The following DPYSL2 variants were observed in gnomAD, a reference collection of about 807,000 sequenced individuals.
DPYSL2 encodes dihydropyrimidinase like 2.
A neutral mutation model predicts 69.9 loss-of-function variants in DPYSL2; 13 were observed. That is an observed-to-expected ratio of 0.19 (90% confidence interval 0.12 to 0.30). The LOEUF (loss-of-function observed/expected upper bound fraction) is 0.30. Among genes scored for constraint, DPYSL2 ranks in the 10% least tolerant of loss-of-function variants. The pLI is 1.00. For synonymous variants in DPYSL2, 326 were observed against 359.1 expected, an observed-to-expected ratio of 0.91 and a Z score of 1.04; for missense variants, 587 against 918.9, an observed-to-expected ratio of 0.64 and a Z score of 4.67.
Position 26,514,749 on chromosome 8 carries a change from C to T in DPYSL2, c.354+70C>T. 1 of 1,301,680 alleles carries T rather than the reference C, an allele frequency of 7.7e-7. No homozygotes were observed. The highest frequency in any genetic ancestry group is 9.9e-7 in the Non-Finnish European group (1 of 1,007,432). The allele number at this position is 1,301,680 out of a possible 1,614,324, so 80.6% of individuals were successfully genotyped here. ...GATCGCCCCTCCCTCGCCCCTGAGC[C>T]CGGCGCGCCCGCCTTCATGCCCCGC... On this transcript the variant is annotated intron_variant, in intron 1 of 13. Transcript: ENST00000521913. The surrounding 1 kb of genome is among the most constrained non-coding windows in gnomAD (Gnocchi z 8.4).
Position 26,624,620 on chromosome 8 carries a change from TG to T in DPYSL2, c.793+314del, listed in dbSNP as rs1030942890. 6.6e-6 allele frequency among the ~76,000 whole-genome samples: 1 copy of T among 152,120 alleles called. No individual in the cohort carries two copies. The highest frequency in any genetic ancestry group is 2.4e-5 in the African/African-American group (1 of 41,412). ...GTGCTCTCTAGCCAGGGTGGGGAGT[TG>T]AGGCTGCTGAGAGAGAGATTTACCC... On this transcript the variant is annotated intron_variant, in intron 4 of 13. Coordinates refer to ENST00000521913, the MANE Select transcript of DPYSL2 (RefSeq NM_001197293.3). The surrounding 1 kb of genome is among the most constrained non-coding windows in gnomAD (Gnocchi z 4.7).
intron 1 of DPYSL2, among the ~76,000 whole-genome samples, chr8:26,578,783 A>G (rs976625926): frequency 2.0e-5 from 3 of 152,164 alleles, no homozygotes; most frequent in African/African-American, 7.2e-5. Context: ...CCTTGGAAAA[A>G]GGAGCGGGTT....
Position 26,627,082 on chromosome 8 carries a change from A to G in DPYSL2, c.856-133A>G. On this transcript the variant is annotated intron_variant, in intron 5 of 13. Transcript: ENST00000521913. This position sits in a 1 kb window ranked among gnomAD's most constrained non-coding sequence, Gnocchi z 6.9. ...TAACATTGCCCTCATCATATCAAAA[A>G]AAGTCAGGCTAATAGAATCGCCTAG... 2 of 775,072 alleles carry G rather than the reference A, an allele frequency of 2.6e-6. No homozygotes were observed. Among genetic ancestry groups the G allele is most frequent in the East Asian group, 2.7e-5 (1 of 37,684 alleles). The allele number at this position is 775,072 out of a possible 1,614,324, so 48.0% of individuals were successfully genotyped here.
chr8:26,643,551 C>T lies in DPYSL2; in HGVS notation c.1239C>T (p.Ser413=), dbSNP rs1563424305. 4 of 1,614,180 alleles carry T rather than the reference C, an allele frequency of 2.5e-6. No homozygotes were observed. The South Asian group carries it at 4.4e-5, about 18-fold the overall frequency. The change falls in exon 9 of 14, where the codon AGC becomes AGT. Residue 413 remains serine, a synonymous_variant. Coordinates refer to ENST00000521913, the MANE Select transcript of DPYSL2 (RefSeq NM_001197293.3). This position sits in a 1 kb window ranked among gnomAD's most constrained non-coding sequence, Gnocchi z 6.5. ...CCTTTGTCACCTCCCCACCCTTGAG[C>T]CCTGATCCAACCACTCCAGACTTTC... The part of the protein sequence containing the change: ...AAAFVTSPPL[S]PDPTTPDFLN...
In DPYSL2 at chr8:26,616,311, G is replaced by A. The variant is rs1157231220; in HGVS notation, c.629-7832G>A. Among the ~76,000 whole-genome samples the A allele has an allele frequency of 5.3e-5, 8 of 152,170 alleles. No individual in the cohort carries two copies. In the South Asian group the frequency reaches 8.3e-4, roughly 16 times the overall value. ...TAACTGCCAAGCACAACCCACAAAG[G>A]CTCTTATCTCTCCTTCAAAAAAAGC... On this transcript the variant is annotated intron_variant, in intron 3 of 13. Coordinates refer to ENST00000521913, the MANE Select transcript of DPYSL2 (RefSeq NM_001197293.3).
rs565175738 is a variant in DPYSL2 at position 26,565,705 on chromosome 8, G to A, written c.355-16264G>A. On this transcript the variant is annotated intron_variant, in intron 1 of 13. Transcript: ENST00000521913. The surrounding 1 kb of genome is among the most constrained non-coding windows in gnomAD (Gnocchi z 4.1). ...GTATAATGACTCGAGCACAAAAGGA[G>A]TTTATTTGTATATCACATAATAGTT... Among the ~76,000 whole-genome samples the A allele has an allele frequency of 2.0e-5, 3 of 152,318 alleles. No homozygotes were observed. The highest frequency in any genetic ancestry group is 2.1e-4 in the South Asian group (1 of 4,832).
At chr8:26,607,211 G>A (rs1802125550) in intron 3 of DPYSL2, among the ~76,000 whole-genome samples, 2 of 152,204 alleles carry the variant, frequency 1.3e-5, no homozygotes, top group Admixed American at 1.3e-4. Flanking sequence ...TGGGGGCCGG[G>A]TGGTGCCTCA....
At chr8:26,639,847 A>T (rs1803001070) in intron 8 of DPYSL2, among the ~76,000 whole-genome samples, 1 of 152,136 alleles carries the variant, frequency 6.6e-6, no homozygotes, top group South Asian at 2.1e-4. Context: ...AGTGCCTTTC[A>T]ACCCAATCAG....
chr8:26,649,168 A>G (rs1467634737), intron 11 of DPYSL2, among the ~76,000 whole-genome samples: 1 of 152,248 alleles, frequency 6.6e-6, no homozygotes, highest in African/African-American at 2.4e-5. Flanking sequence ...ACGGAGGCTT[A>G]GAGAGCTTAA....
intron 1 of DPYSL2, among the ~76,000 whole-genome samples, chr8:26,544,676 C>T (rs6999754): frequency 0.098 from 14,961 of 152,196 alleles, 831 homozygotes; most frequent in Non-Finnish European, 0.12. Context: ...GTCACTTGGA[C>T]GTGATGTTAT....
chr8:26,573,836 C>CAAAA (rs145546482), intron 1 of DPYSL2, among the ~76,000 whole-genome samples: 5 of 82,416 alleles, frequency 6.1e-5, no homozygotes, highest in Middle Eastern at 7.6e-3. Flanking sequence ...GACTCCACCT[C>CAAAA]AAAAAAAAAA....
chr8:26,629,897 G>A (rs1418644938), intron 7 of DPYSL2, among the ~76,000 whole-genome samples: 3 of 152,154 alleles, frequency 2.0e-5, no homozygotes, highest in South Asian at 2.1e-4. Flanking sequence ...GCGCCCGGCC[G>A]AGGCTGATTT....
intron 3 of DPYSL2, among the ~76,000 whole-genome samples, chr8:26,604,753 C>A (rs746565782): frequency 7.2e-5 from 11 of 151,988 alleles, no homozygotes; most frequent in Non-Finnish European, 1.3e-4. Context: ...TCTCCTCCTC[C>A]GGGGTTCAAG....
chr8:26,635,389 A>T (rs1283217845), intron 8 of DPYSL2, among the ~76,000 whole-genome samples: 2 of 152,130 alleles, frequency 1.3e-5, no homozygotes, highest in Non-Finnish European at 2.9e-5. Context: ...AACTCTCTTG[A>T]TGCATTCTGA....
intron 11 of DPYSL2, among the ~76,000 whole-genome samples, chr8:26,649,809 A>C (rs919209459): frequency 6.6e-6 from 1 of 152,210 alleles, no homozygotes; most frequent in East Asian, 1.9e-4. Flanking sequence ...ATGTCTATGC[A>C]TGGTGAGTGA....
At position 26,520,003 on chromosome 8, in the gene DPYSL2, C is replaced by T. The variant is rs1304868390; in HGVS notation, c.354+5324C>T. ...CCAAATCTCATCTTGAATTGTACTC[C>T]CATAATTCCCACATGTTGTGGGAGG... On this transcript the variant is annotated intron_variant, in intron 1 of 13. Coordinates refer to ENST00000521913, the MANE Select transcript of DPYSL2 (RefSeq NM_001197293.3). Among the ~76,000 whole-genome samples the T allele has an allele frequency of 1.3e-3, 192 of 152,084 alleles. 5 individuals carry two copies. The highest frequency in any genetic ancestry group is 0.013 in the Admixed American group (191 of 15,272).
chr8:26,618,950 C>T (rs373211322), intron 3 of DPYSL2, among the ~76,000 whole-genome samples: 17 of 151,914 alleles, frequency 1.1e-4, no homozygotes, highest in South Asian at 6.2e-4. Flanking sequence ...AAGAGTGAAA[C>T]GCCATCTCAA....
intron 3 of DPYSL2, among the ~76,000 whole-genome samples, chr8:26,592,743 C>G (rs1004475700): frequency 6.6e-6 from 1 of 152,170 alleles, no homozygotes; most frequent in African/African-American, 2.4e-5. Flanking sequence ...TCCCAAAGTG[C>G]TGGGATTACA....
At chr8:26,530,214 C>T (rs1472498211) in intron 1 of DPYSL2, among the ~76,000 whole-genome samples, 6 of 151,978 alleles carry the variant, frequency 3.9e-5, no homozygotes, top group Non-Finnish European at 2.9e-5. Context: ...TAAATCTCCT[C>T]CAATTTCAGT....
Sources: gnomAD v4.1 joint callset for allele counts (sites outside exome capture counted in the v4.1 genomes callset) on GRCh38, gnomAD v4.1.1 for gene constraint, Gnocchi (gnomAD v3.1) non-coding constraint, MANE v1.5 for transcripts, NCBI Gene and HGNC (gene_info 2026-07-23, HGNC 2026-07-21) for gene names.